Variants in SPTBN1 observed in about 807,000 individuals in gnomAD.
SPTBN1 encodes spectrin beta chain, non-erythrocytic 1.
Under a neutral mutation model 266.4 loss-of-function variants are expected in SPTBN1, and 32 were observed. The observed-to-expected ratio is 0.12, with a 90% CI of 0.09 to 0.16. The LOEUF is 0.16. Ranked by LOEUF, SPTBN1 falls within the 10% of genes least tolerant of loss-of-function variation. The pLI, the probability that SPTBN1 is intolerant of heterozygous loss-of-function variation, is 1.00. For missense variants in SPTBN1, 2,296 were observed against 3,067.1 expected (o/e 0.75, Z 5.94); for synonymous variants, 1,336 against 1,162.2 (o/e 1.15, Z -3.04).
At chr2:54,654,858 A>G (rs1332498548) in intron 27 of SPTBN1, among the ~76,000 whole-genome samples, 3 of 152,230 alleles carry the variant, frequency 2.0e-5, no homozygotes, top group Non-Finnish European at 4.4e-5. Flanking sequence ...GCCATATTCT[A>G]CAGTTTGGTT....
chr2:54,457,815 G>A (rs1025300997), intron 1 of SPTBN1, among the ~76,000 whole-genome samples: 13 of 152,244 alleles, frequency 8.5e-5, no homozygotes, highest in Non-Finnish European at 1.8e-4. Context: ...TGTGAGCAGG[G>A]GAGAGTCTTT....
chr2:54,576,795 TA>T (rs1674513826), intron 2 of SPTBN1, among the ~76,000 whole-genome samples: 1 of 152,188 alleles, frequency 6.6e-6, no homozygotes, highest in Admixed American at 6.5e-5. Context: ...CACAGGTGTG[TA>T]AGGGACAGCC....
intron 1 of SPTBN1, among the ~76,000 whole-genome samples, chr2:54,484,396 CT>C (rs1299746157): frequency 1.3e-5 from 2 of 152,180 alleles, no homozygotes; most frequent in African/African-American, 4.8e-5. Context: ...AAATTTTAGA[CT>C]TTTTGTTAGT....
intron 1 of SPTBN1, among the ~76,000 whole-genome samples, chr2:54,479,936 C>A (rs1668018577): frequency 6.6e-6 from 1 of 151,902 alleles, no homozygotes. Flanking sequence ...CTCAAGTGAT[C>A]TTCCTGCTTC....
intron 2 of SPTBN1, among the ~76,000 whole-genome samples, chr2:54,597,866 C>CTTTTTTTTTTT (rs531763576): frequency 1.5e-4 from 12 of 82,200 alleles, no homozygotes; most frequent in Middle Eastern, 8.1e-3. Flanking sequence ...GAGCTATCTG[C>CTTTTTTTTTTT]TTTTTTTTTT....
intron 9 of SPTBN1, among the ~76,000 whole-genome samples, chr2:54,623,092 G>C (rs777016636): frequency 2.6e-5 from 4 of 151,508 alleles, no homozygotes; most frequent in South Asian, 2.1e-4. Flanking sequence ...TGAAAACTCA[G>C]TTGCATATAT....
intron 3 of SPTBN1, among the ~76,000 whole-genome samples, chr2:54,609,969 A>C (rs187773319): frequency 6.6e-6 from 1 of 151,738 alleles, no homozygotes; most frequent in South Asian, 2.1e-4. Context: ...GAGTTAGCCT[A>C]TCCCTTTATG....
chr2:54,502,202 G>A (rs1187205442), intron 1 of SPTBN1, among the ~76,000 whole-genome samples: 7 of 152,174 alleles, frequency 4.6e-5, no homozygotes, highest in Non-Finnish European at 1.0e-4. Context: ...GAGCTGGCGA[G>A]TTTCTGCTTT....
chr2:54,605,776 G>A (rs1012796799), intron 3 of SPTBN1, among the ~76,000 whole-genome samples: 8 of 152,270 alleles, frequency 5.3e-5, no homozygotes, highest in Admixed American at 2.0e-4. Flanking sequence ...CACTCCTCTC[G>A]TATAGTACCA....
At chr2:54,580,026 CAG>C (rs1057388135) in intron 2 of SPTBN1, among the ~76,000 whole-genome samples, 12 of 152,274 alleles carry the variant, frequency 7.9e-5, no homozygotes, top group East Asian at 3.9e-4. Context: ...AAATAATTAA[CAG>C]GGGAATATTT....
At chr2:54,589,715 T>G (rs1675542992) in intron 2 of SPTBN1, among the ~76,000 whole-genome samples, 1 of 152,202 alleles carries the variant, frequency 6.6e-6, no homozygotes, top group Admixed American at 6.5e-5. Flanking sequence ...AAGATTAGTT[T>G]CCTTCCTGTT....
rs1182080733 is a variant in SPTBN1 at position 54,633,630 on chromosome 2, C to T, written c.3767+862C>T. Among the ~76,000 whole-genome samples, 4 of 152,198 alleles carry T rather than the reference C, an allele frequency of 2.6e-5. No homozygotes were observed. In the East Asian group the frequency reaches 7.7e-4, roughly 29 times the overall value. ...CTGGATCAATCACTAGCCCCTGTTC[C>T]AGTTTGGGTTGAATTTAAGGGCTTG... On this transcript the variant is annotated intron_variant, in intron 17 of 35. Transcript: ENST00000356805.
intron 1 of SPTBN1, among the ~76,000 whole-genome samples, chr2:54,518,043 T>C (rs1467695233): frequency 2.0e-5 from 3 of 152,112 alleles, no homozygotes; most frequent in Non-Finnish European, 4.4e-5. Flanking sequence ...AGACATTATA[T>C]GCTTGTGACT....
intron 1 of SPTBN1, among the ~76,000 whole-genome samples, chr2:54,505,305 G>A (rs966228207): frequency 6.6e-6 from 1 of 152,206 alleles, no homozygotes; most frequent in African/African-American, 2.4e-5. Context: ...AGTTCTTTCT[G>A]TAGCTATCCT....
intron 4 of SPTBN1, among the ~76,000 whole-genome samples, chr2:54,612,849 G>A (rs1327694760): frequency 2.0e-5 from 3 of 152,174 alleles, no homozygotes; most frequent in African/African-American, 7.2e-5. Flanking sequence ...GTTTGCAGGA[G>A]GAAAGTACAA....
chr2:54,483,376 C>T (rs548952683), intron 1 of SPTBN1, among the ~76,000 whole-genome samples: 9 of 152,246 alleles, frequency 5.9e-5, no homozygotes, highest in African/African-American at 7.2e-5. Flanking sequence ...GGTAGGGTCA[C>T]GGAAAAGCGA....
chr2:54,635,791 A>G (rs1679082266), intron 17 of SPTBN1, among the ~76,000 whole-genome samples: 1 of 152,138 alleles, frequency 6.6e-6, no homozygotes, highest in African/African-American at 2.4e-5. Context: ...ACTCCAACTC[A>G]TATTATCTCC....
rs548922244 is a variant in SPTBN1 at position 54,584,256 on chromosome 2, G to A, written c.149-14836G>A. Reference sequence around the variant, plus strand: ...ACATATTATTTTATAAGGATGTCCCGTATTTTAATTATTCAACCTATTAAT... The same window carrying A: ...ACATATTATTTTATAAGGATGTCCCATATTTTAATTATTCAACCTATTAAT... On this transcript the variant is annotated intron_variant, in intron 2 of 35. Coordinates refer to ENST00000356805, the MANE Select transcript of SPTBN1 (RefSeq NM_003128.3). Among the ~76,000 whole-genome samples the A allele has an allele frequency of 2.0e-5, 3 of 152,188 alleles. No homozygotes were observed. The East Asian group carries it at 5.8e-4, about 29-fold the overall frequency.
At chr2:54,530,353 C>CTTTTTTTT (rs549491367) in intron 2 of SPTBN1, among the ~76,000 whole-genome samples, 1,763 of 73,858 alleles carry the variant, frequency 0.024, 268 homozygotes, top group African/African-American at 0.045. Context: ...TTGTAAAAAA[C>CTTTTTTTT]TTTTTTTTTT....
Sources: allele counts gnomAD v4.1 joint callset (sites outside exome capture counted in the v4.1 genomes callset), GRCh38; gene constraint gnomAD v4.1.1; transcripts MANE v1.5; gene names NCBI Gene and HGNC (gene_info 2026-07-23, HGNC 2026-07-21).